LARGE1: variants seen among roughly 807,000 people sequenced by gnomAD.
LARGE1 encodes xylosyl- and glucuronyltransferase LARGE1.
LARGE1 carries 43 observed loss-of-function variants against 87.6 expected under a neutral mutation model. The ratio of observed to expected loss-of-function variants is 0.49; its 90% CI spans 0.38 to 0.63. LARGE1 has a LOEUF of 0.63. Among genes scored for constraint, LARGE1 ranks in the 30% least tolerant of loss-of-function variants. The pLI is 0.00. For synonymous variants in LARGE1, 434 were observed against 394.6 expected (o/e 1.10, Z -1.18); for missense variants, 802 against 1,000.2 (o/e 0.80, Z 2.67).
chr22:33,484,512 G>A (rs1483714074), intron 6 of LARGE1, among the ~76,000 whole-genome samples: 3 of 152,190 alleles, frequency 2.0e-5, no homozygotes, highest in Non-Finnish European at 2.9e-5. Context: ...CTATGTTACA[G>A]AACAGTTTGC....
At chr22:33,328,896 C>G (rs1176460037) in intron 10 of LARGE1, among the ~76,000 whole-genome samples, 2 of 152,118 alleles carry the variant, frequency 1.3e-5, no homozygotes, top group African/African-American at 2.4e-5. Context: ...TTCTTTGAAG[C>G]CTTCCTTTCC....
the LARGE1 span, chr22:33,109,151 C>G: frequency 2.0e-5 from 3 of 152,038 alleles, no homozygotes; most frequent in African/African-American, 4.8e-5. Context: ...CAAAGGTCAC[C>G]TGGCCAGTAA....
intron 2 of LARGE1, among the ~76,000 whole-genome samples, chr22:33,728,109 C>T (rs1361939193): frequency 6.6e-6 from 1 of 152,176 alleles, no homozygotes; most frequent in Non-Finnish European, 1.5e-5. Flanking sequence ...CTGTGCTACT[C>T]AATTCATATG....
chr22:33,131,033 C>CAAAAAAAAAA, the LARGE1 span, among the ~76,000 whole-genome samples: 17 of 70,912 alleles, frequency 2.4e-4, no homozygotes, highest in African/African-American at 5.7e-4. Context: ...GACTCCGTCT[C>CAAAAAAAAAA]AAAAAAAAAA....
At chr22:33,622,653 G>A (rs1003236015) in intron 4 of LARGE1, among the ~76,000 whole-genome samples, 23 of 152,136 alleles carry the variant, frequency 1.5e-4, no homozygotes, top group African/African-American at 5.1e-4. Context: ...TGTCCAGCCC[G>A]CTGCCACTGG....
chr22:33,474,506 C>T (rs1180628798), intron 6 of LARGE1, among the ~76,000 whole-genome samples: 1 of 152,158 alleles, frequency 6.6e-6, no homozygotes, highest in Admixed American at 6.6e-5. Flanking sequence ...AGGTGCTGTG[C>T]TTGGTGACAA....
chr22:33,110,060 A>T, the LARGE1 span, among the ~76,000 whole-genome samples: 1 of 152,248 alleles, frequency 6.6e-6, no homozygotes, highest in Non-Finnish European at 1.5e-5. Flanking sequence ...AGTGTTCAGC[A>T]TCAAATTTTG....
intron 7 of LARGE1, among the ~76,000 whole-genome samples, chr22:33,392,071 C>A (rs945033017): frequency 5.3e-5 from 8 of 151,944 alleles, no homozygotes; most frequent in Non-Finnish European, 1.0e-4. Flanking sequence ...GCCCAGCCTA[C>A]CACAGGTTAT....
chr22:33,468,128 A>G (rs1431346150), intron 6 of LARGE1, among the ~76,000 whole-genome samples: 1 of 152,174 alleles, frequency 6.6e-6, no homozygotes, highest in Non-Finnish European at 1.5e-5. Context: ...TGGAACACCA[A>G]CAGCCTGGTC....
the LARGE1 span, among the ~76,000 whole-genome samples, chr22:33,076,814 A>C: frequency 6.6e-6 from 1 of 152,188 alleles, no homozygotes; most frequent in East Asian, 1.9e-4. Context: ...TTAGCGTTGT[A>C]TCTTAAGAGC....
intron 12 of LARGE1, among the ~76,000 whole-genome samples, chr22:33,292,518 C>T (rs1029619816): frequency 5.9e-5 from 9 of 151,946 alleles, no homozygotes; most frequent in African/African-American, 1.5e-4. Flanking sequence ...GGAGAGAGCA[C>T]GATGTTCAAT....
rs1009583962 is a variant in LARGE1 at position 33,653,005 on chromosome 22, T to C, written c.107-2337A>G. On this transcript the variant is annotated intron_variant, in intron 2 of 14. Coordinates refer to ENST00000397394, the MANE Select transcript of LARGE1 (RefSeq NM_133642.5). ...GGTTGCATTGTCACCGACTGGCCAATTACAAGCTTCAACCCAAGCTTTTGA... is the reference window on the plus strand; with the variant it reads ...GGTTGCATTGTCACCGACTGGCCAACTACAAGCTTCAACCCAAGCTTTTGA... Among the ~76,000 whole-genome samples the C allele has an allele frequency of 3.9e-5, 6 of 152,192 alleles. 1 individual carries two copies. The South Asian group carries it at 1.0e-3, about 26-fold the overall frequency.
At chr22:33,181,827 C>CTTTTTTTTTTT (rs56347007) in intron 11 of LARGE1, among the ~76,000 whole-genome samples, 5 of 128,474 alleles carry the variant, frequency 3.9e-5, no homozygotes, top group African/African-American at 1.3e-4. Context: ...TATGCCTGGC[C>CTTTTTTTTTTT]TTTTTTTTTT....
At position 33,357,400 on chromosome 22, in the gene LARGE1, A is replaced by G. The variant is rs147998477; in HGVS notation, c.1132-19599T>C. On this transcript the variant is annotated intron_variant, in intron 9 of 14. Coordinates refer to ENST00000397394, the MANE Select transcript of LARGE1 (RefSeq NM_133642.5). ...ATGGATGAGTAATTACGTAATGGGT[A>G]CAATGTACATTATTTTGGGTGATGG... Among the ~76,000 whole-genome samples, 1,423 of 152,324 alleles carry G rather than the reference A, an allele frequency of 9.3e-3. 7 individuals carry two copies. The highest frequency in any genetic ancestry group is 0.016 in the South Asian group (79 of 4,824).
chr22:33,391,017 G>C (rs1391460781), intron 7 of LARGE1, among the ~76,000 whole-genome samples: 2 of 152,082 alleles, frequency 1.3e-5, no homozygotes. Context: ...ATTTTTAGTA[G>C]AGACAGGGTT....
At chr22:33,572,090 G>T (rs1389988154) in intron 5 of LARGE1, 2 of 613,492 alleles carry the variant, frequency 3.3e-6, no homozygotes, top group Non-Finnish European at 2.8e-6. Flanking sequence ...TATGTAATCT[G>T]TAAGCTCTCC....
chr22:33,865,761 G>T (rs2064075300), intron 1 of LARGE1, among the ~76,000 whole-genome samples: 1 of 142,314 alleles, frequency 7.0e-6, no homozygotes, highest in Admixed American at 7.2e-5. Flanking sequence ...ATTTGTGGTT[G>T]TCAGGATTTT....
At chr22:33,474,041 A>G (rs144030326) in intron 6 of LARGE1, among the ~76,000 whole-genome samples, 12 of 152,362 alleles carry the variant, frequency 7.9e-5, no homozygotes, top group African/African-American at 2.9e-4. Context: ...AGGAATCATG[A>G]TATCACAGGA....
chr22:33,816,647 T>C (rs1957408106), intron 1 of LARGE1, among the ~76,000 whole-genome samples: 1 of 146,840 alleles, frequency 6.8e-6, no homozygotes, highest in South Asian at 2.2e-4. Flanking sequence ...CGGGTGGACA[T>C]ACAGACAGAC....
Sources: gnomAD v4.1 joint callset for allele counts (sites outside exome capture counted in the v4.1 genomes callset) on GRCh38, gnomAD v4.1.1 for gene constraint, MANE v1.5 for transcripts, NCBI Gene and HGNC (gene_info 2026-07-23, HGNC 2026-07-21) for gene names.